EYS: variants seen among roughly 807,000 people sequenced by gnomAD.
EYS encodes protein eyes shut homolog.
Under a neutral mutation model 282.1 loss-of-function variants are expected in EYS, and 250 were observed. That is an observed-to-expected ratio of 0.89 (90% confidence interval 0.80 to 0.98). EYS has a LOEUF of 0.98. Ranked by LOEUF, EYS falls within the 50% of genes least tolerant of loss-of-function variation. EYS has a pLI of 0.00. For synonymous variants in EYS, 1,355 were observed against 1,282.9 expected (o/e 1.06, Z -1.20); for missense variants, 4,016 against 3,709.0 (o/e 1.08, Z -2.15).
At chr6:64,294,014 T>C (rs1348531003) in intron 30 of EYS, among the ~76,000 whole-genome samples, 1 of 152,186 alleles carries the variant, frequency 6.6e-6, no homozygotes, top group Non-Finnish European at 1.5e-5. Context: ...AGGTATACGC[T>C]ACCTAATTAT....
At chr6:64,814,216 G>A (rs952381801) in intron 21 of EYS, among the ~76,000 whole-genome samples, 17 of 152,082 alleles carry the variant, frequency 1.1e-4, no homozygotes, top group African/African-American at 4.1e-4. Context: ...TGTAGAGTTA[G>A]AGGAATCTGG....
chr6:65,116,802 T>TA (rs1388664049), intron 12 of EYS, among the ~76,000 whole-genome samples: 1 of 152,176 alleles, frequency 6.6e-6, no homozygotes, highest in African/African-American at 2.4e-5. Context: ...CTTAAGTTGT[T>TA]ATACAAAAAT....
chr6:65,504,651 A>C (rs2127280408), intron 2 of EYS, among the ~76,000 whole-genome samples: 1 of 151,676 alleles, frequency 6.6e-6, no homozygotes, highest in South Asian at 2.1e-4. Context: ...AGTTTATATA[A>C]TTATAAAAAA....
At chr6:64,938,838 A>T (rs1225518278) in intron 15 of EYS, among the ~76,000 whole-genome samples, 1 of 151,696 alleles carries the variant, frequency 6.6e-6, no homozygotes, top group Non-Finnish European at 1.5e-5. Context: ...ACCCTATTGT[A>T]AGTTAAGGGA....
chr6:65,661,506 T>C (rs1768000483), intron 1 of EYS, among the ~76,000 whole-genome samples: 2 of 152,064 alleles, frequency 1.3e-5, no homozygotes, highest in Admixed American at 1.3e-4. Context: ...TTTAGCTCAA[T>C]AATAAACACA....
At chr6:64,409,003 G>A (rs1048910749) in intron 28 of EYS, among the ~76,000 whole-genome samples, 5 of 152,010 alleles carry the variant, frequency 3.3e-5, no homozygotes, top group African/African-American at 9.7e-5. Context: ...GTTTCCAAGT[G>A]TACTCATTGT....
chr6:65,605,740 TAAA>T (rs559491331), intron 2 of EYS, among the ~76,000 whole-genome samples: 1 of 151,908 alleles, frequency 6.6e-6, no homozygotes, highest in East Asian at 1.9e-4. Context: ...TTTATGGACA[TAAA>T]AAGATAGCCA....
At chr6:64,422,130 TC>T (rs1341190027) in intron 28 of EYS, among the ~76,000 whole-genome samples, 8 of 151,842 alleles carry the variant, frequency 5.3e-5, no homozygotes, top group African/African-American at 1.9e-4. Context: ...GATAGATAGA[TC>T]GATAGATTGA....
At position 65,301,098 on chromosome 6, in the gene EYS, C is replaced by T. The variant is rs375805269; in HGVS notation, c.1767-4979G>A. On this transcript the variant is annotated intron_variant, in intron 11 of 42. Coordinates refer to ENST00000503581, the MANE Select transcript of EYS (RefSeq NM_001142800.2). ...GAGTATTCGGCTTATTTAGTGGCTTCCCCTCTGCTACCAACTTAGTTTGGT... is the reference window on the plus strand; with the variant it reads ...GAGTATTCGGCTTATTTAGTGGCTTTCCCTCTGCTACCAACTTAGTTTGGT... 7.9e-3 allele frequency among the ~76,000 whole-genome samples: 1,203 copies of T among 152,308 alleles called. 17 individuals are homozygous for T. The highest frequency in any genetic ancestry group is 0.027 in the African/African-American group (1,125 of 41,564).
intron 13 of EYS, among the ~76,000 whole-genome samples, chr6:65,017,553 C>T (rs1029390513): frequency 3.9e-5 from 6 of 152,126 alleles, no homozygotes; most frequent in Admixed American, 3.3e-4. Flanking sequence ...AAAGCAGCCC[C>T]GCCAGTATCA....
At chr6:65,378,950 G>C (rs1765504970) in intron 8 of EYS, among the ~76,000 whole-genome samples, 1 of 151,754 alleles carries the variant, frequency 6.6e-6, no homozygotes, top group South Asian at 2.1e-4. Context: ...AGGTTGATGG[G>C]TGCAGCAAAA....
intron 19 of EYS, among the ~76,000 whole-genome samples, chr6:64,857,340 T>C (rs925002201): frequency 1.3e-5 from 2 of 152,200 alleles, no homozygotes; most frequent in Non-Finnish European, 2.9e-5. Flanking sequence ...ATTCCATATG[T>C]AAGTGAAATA....
intron 2 of EYS, among the ~76,000 whole-genome samples, chr6:65,634,941 C>G (rs1767035257): frequency 6.6e-6 from 1 of 152,136 alleles, no homozygotes; most frequent in Non-Finnish European, 1.5e-5. Context: ...ATAGAAATGC[C>G]TCTTATTAAA....
chr6:63,731,333 GT>G (rs1217701523), intron 41 of EYS, among the ~76,000 whole-genome samples: 1 of 152,044 alleles, frequency 6.6e-6, no homozygotes, highest in African/African-American at 2.4e-5. Context: ...GGCCATTTGT[GT>G]TTTTCTGTGA....
chr6:65,111,803 C>A (rs1775220873), intron 12 of EYS, among the ~76,000 whole-genome samples: 1 of 152,176 alleles, frequency 6.6e-6, no homozygotes, highest in Admixed American at 6.5e-5. Context: ...TTCAAGATTG[C>A]ACCACTGCAC....
intron 29 of EYS, among the ~76,000 whole-genome samples, chr6:64,362,920 T>C (rs1273931156): frequency 1.3e-5 from 2 of 151,770 alleles, no homozygotes; most frequent in African/African-American, 4.8e-5. Context: ...TGAATATCCT[T>C]GTCAATTTTC....
chr6:64,609,886 A>T (rs531598930), intron 24 of EYS, among the ~76,000 whole-genome samples: 1 of 151,324 alleles, frequency 6.6e-6, no homozygotes, highest in South Asian at 2.1e-4. Context: ...GAGCTTGTCT[A>T]AATATATATA....
At chr6:65,000,093 G>C (rs545226610) in intron 13 of EYS, among the ~76,000 whole-genome samples, 12 of 152,272 alleles carry the variant, frequency 7.9e-5, no homozygotes, top group African/African-American at 2.9e-4. Flanking sequence ...TGAGCACCCT[G>C]TAACACACGC....
At chr6:64,910,287 T>C (rs1443348499) in intron 16 of EYS, among the ~76,000 whole-genome samples, 4 of 152,144 alleles carry the variant, frequency 2.6e-5, no homozygotes, top group Non-Finnish European at 5.9e-5. Flanking sequence ...AATAAAGCTA[T>C]TAAAGTAACC....
Sources: gnomAD v4.1 joint callset for allele counts (sites outside exome capture counted in the v4.1 genomes callset) on GRCh38, gnomAD v4.1.1 for gene constraint, MANE v1.5 for transcripts, NCBI Gene and HGNC (gene_info 2026-07-23, HGNC 2026-07-21) for gene names.